Variants in CDYL observed in about 807,000 individuals in gnomAD.
The protein encoded by CDYL is chromodomain Y-like protein.
Under a neutral mutation model 47.3 loss-of-function variants are expected in CDYL, and 8 were observed. That is an observed-to-expected ratio of 0.17 (90% confidence interval 0.10 to 0.31). The LOEUF is 0.31. Among genes scored for constraint, CDYL ranks in the 10% least tolerant of loss-of-function variants. The pLI is 1.00. For missense variants in CDYL, 471 were observed against 701.4 expected (o/e 0.67, Z 3.71); for synonymous variants, 266 against 265.0 (o/e 1.00, Z -0.04).
At chr6:4,804,235 G>A (rs17138859) in intron 1 of CDYL, among the ~76,000 whole-genome samples, 3,762 of 152,180 alleles carry the variant, frequency 0.025, 88 homozygotes, top group East Asian at 0.084. Flanking sequence ...CAGTGGCCTC[G>A]CCCAGTCAGC....
intron 2 of CDYL, among the ~76,000 whole-genome samples, chr6:4,725,514 G>A (rs1757493859): frequency 6.6e-6 from 1 of 152,252 alleles, no homozygotes; most frequent in Non-Finnish European, 1.5e-5. Context: ...CCGGCGAGAA[G>A]TCGAGCACAG....
intron 2 of CDYL, among the ~76,000 whole-genome samples, chr6:4,915,719 C>A (rs1757538215): frequency 1.3e-5 from 2 of 152,200 alleles, no homozygotes; most frequent in African/African-American, 4.8e-5. Context: ...TTCTGCAATG[C>A]CCCTGTAAAG....
intron 3 of CDYL, among the ~76,000 whole-genome samples, chr6:4,768,125 A>T (rs1273680507): frequency 6.6e-6 from 1 of 152,192 alleles, no homozygotes; most frequent in Non-Finnish European, 1.5e-5. Context: ...CAACTTCCAC[A>T]TCTAGGCCTT....
At chr6:4,758,925 G>A (rs1051328791) in intron 3 of CDYL, among the ~76,000 whole-genome samples, 3 of 147,890 alleles carry the variant, frequency 2.0e-5, no homozygotes, top group African/African-American at 7.4e-5. Flanking sequence ...GAGTGAAGAG[G>A]CTCTTTCTGA....
At chr6:4,711,646 T>C (rs898472094) in intron 1 of CDYL, among the ~76,000 whole-genome samples, 7 of 152,176 alleles carry the variant, frequency 4.6e-5, no homozygotes, top group Admixed American at 2.6e-4. Context: ...TCTGGACTTA[T>C]TGCTGACATA....
intron 2 of CDYL, among the ~76,000 whole-genome samples, chr6:4,903,687 C>A (rs185901011): frequency 7.9e-5 from 12 of 152,330 alleles, no homozygotes; most frequent in African/African-American, 2.9e-4. Flanking sequence ...GCTTTGTGTG[C>A]TCGGCCCCTG....
At chr6:4,894,913 A>G (rs552122515) in intron 2 of CDYL, among the ~76,000 whole-genome samples, 2 of 150,088 alleles carry the variant, frequency 1.3e-5, no homozygotes, top group East Asian at 1.9e-4. Flanking sequence ...GTACGTGTGT[A>G]TATATACACA....
chr6:4,752,347 T>A (rs1758009384), intron 3 of CDYL, among the ~76,000 whole-genome samples: 1 of 152,160 alleles, frequency 6.6e-6, no homozygotes, highest in Admixed American at 6.6e-5. Flanking sequence ...TTATAGCTCT[T>A]TAAAGCTGTA....
At chr6:4,906,762 A>T (rs575672372) in intron 2 of CDYL, among the ~76,000 whole-genome samples, 1 of 152,322 alleles carries the variant, frequency 6.6e-6, no homozygotes, top group Admixed American at 6.5e-5. Context: ...TGGTGTAAAA[A>T]TAGACTCAGT....
chr6:4,890,283 C>T (rs1260260991), intron 1 of CDYL, among the ~76,000 whole-genome samples: 4 of 152,108 alleles, frequency 2.6e-5, no homozygotes, highest in Non-Finnish European at 5.9e-5. Flanking sequence ...AATTGAAATA[C>T]ACCCTCATAC....
Position 4,743,644 on chromosome 6 carries a change from G to A in CDYL, c.186+8800G>A, listed in dbSNP as rs149859652. Among the ~76,000 whole-genome samples, 105 of 152,270 alleles carry A rather than the reference G, an allele frequency of 6.9e-4. 1 individual carries two copies. The South Asian group carries it at 0.016, about 23-fold the overall frequency. ...CAACTGATGATATCTGCTCACCACT[G>A]CTCCATGTCTGATCTTCTCCACTAA... On this transcript the variant is annotated intron_variant, in intron 3 of 8. Coordinates refer to the CDYL transcript ENST00000328908.
chr6:4,837,106 T>C lies in CDYL; in HGVS notation c.25-54607T>C, dbSNP rs911773572. ...TAAATGAGGATCCAGATAAGATAGG[T>C]CAATCATTGTTAAAGGCATAGACCT... On this transcript the variant is annotated intron_variant, in intron 1 of 6. Coordinates refer to ENST00000397588, the MANE Select transcript of CDYL (RefSeq NM_004824.4). Among the ~76,000 whole-genome samples, 8 of 152,260 alleles carry C rather than the reference T, an allele frequency of 5.3e-5. No individual in the cohort carries two copies. In the East Asian group the frequency reaches 1.5e-3, roughly 29 times the overall value.
intron 1 of CDYL, among the ~76,000 whole-genome samples, chr6:4,826,107 A>T (rs564167910): frequency 1.3e-5 from 2 of 152,348 alleles, no homozygotes; most frequent in Admixed American, 1.3e-4. Context: ...TGTAAAATAG[A>T]ATCGACTAGG....
intron 5 of CDYL, among the ~76,000 whole-genome samples, chr6:4,951,326 T>C (rs1758696503): frequency 6.6e-6 from 1 of 152,060 alleles, no homozygotes; most frequent in Admixed American, 6.6e-5. Context: ...CAGGCCAGTG[T>C]GGAGTTTCTT....
intron 1 of CDYL, among the ~76,000 whole-genome samples, chr6:4,859,845 A>G (rs1761112685): frequency 6.6e-6 from 1 of 151,826 alleles, no homozygotes; most frequent in African/African-American, 2.4e-5. Flanking sequence ...TGGCTAGACT[A>G]GTGGGATGAC....
At chr6:4,911,775 T>C (rs1449177121) in intron 2 of CDYL, among the ~76,000 whole-genome samples, 1 of 152,222 alleles carries the variant, frequency 6.6e-6, no homozygotes, top group Non-Finnish European at 1.5e-5. Context: ...CACTTTCAAA[T>C]TTCACCTTCC....
chr6:4,742,114 AT>A (rs1217841948), intron 3 of CDYL, among the ~76,000 whole-genome samples: 1 of 152,194 alleles, frequency 6.6e-6, no homozygotes, highest in Admixed American at 6.5e-5. Context: ...TAACCCCAAC[AT>A]TTTGGGATTA....
At chr6:4,734,702 G>C in intron 2 of CDYL, 2 of 1,600,704 alleles carry the variant, frequency 1.2e-6, no homozygotes, top group Non-Finnish European at 1.7e-6. Flanking sequence ...GAGGGAAGAT[G>C]GGGATGGGGA....
At chr6:4,885,581 T>C (rs1028862045) in intron 1 of CDYL, among the ~76,000 whole-genome samples, 5 of 152,362 alleles carry the variant, frequency 3.3e-5, no homozygotes, top group African/African-American at 1.2e-4. Context: ...GACTCTTGTC[T>C]TCTGCCAGCA....
Sources: gnomAD v4.1 joint callset for allele counts (sites outside exome capture counted in the v4.1 genomes callset) on GRCh38, gnomAD v4.1.1 for gene constraint, MANE v1.5 for transcripts, NCBI Gene and HGNC (gene_info 2026-07-23, HGNC 2026-07-21) for gene names.